The following CCDC85A variants were observed in gnomAD, a reference collection of about 807,000 sequenced individuals.
CCDC85A encodes the protein coiled-coil domain-containing protein 85A.
Under a neutral mutation model 50.2 loss-of-function variants are expected in CCDC85A, and 38 were observed. The observed-to-expected ratio is 0.76, with a 90% CI of 0.58 to 0.99. The LOEUF (loss-of-function observed/expected upper bound fraction) is 0.99. Ranked by LOEUF, CCDC85A falls within the 50% of genes least tolerant of loss-of-function variation. The pLI, the probability that CCDC85A is intolerant of heterozygous loss-of-function variation, is 0.00. For missense variants in CCDC85A, 820 were observed against 742.0 expected, an observed-to-expected ratio of 1.11 and a Z score of -1.22; for synonymous variants, 366 against 301.4, an observed-to-expected ratio of 1.21 and a Z score of -2.22.
chr2:56,347,121 T>C (rs1044412608), intron 3 of CCDC85A, among the ~76,000 whole-genome samples: 3 of 152,208 alleles, frequency 2.0e-5, no homozygotes, highest in Non-Finnish European at 2.9e-5. Context: ...CTATCTTCTA[T>C]ACATACTTAC....
At chr2:56,296,706 C>T (rs1486521369) in intron 2 of CCDC85A, among the ~76,000 whole-genome samples, 1 of 152,116 alleles carries the variant, frequency 6.6e-6, no homozygotes. Context: ...GAACAGTTTA[C>T]TTTGAAAGGG....
At chr2:56,227,961 A>G (rs143696531) in intron 2 of CCDC85A, among the ~76,000 whole-genome samples, 2 of 152,224 alleles carry the variant, frequency 1.3e-5, no homozygotes, top group Non-Finnish European at 2.9e-5. Flanking sequence ...GTGAGCCTAT[A>G]CTGTGACTTA....
intron 2 of CCDC85A, among the ~76,000 whole-genome samples, chr2:56,251,879 CT>C (rs1553399515): frequency 6.9e-6 from 1 of 145,140 alleles, no homozygotes; most frequent in South Asian, 2.1e-4. Context: ...TGGCTGATTT[CT>C]TTTTTTTCCT....
At chr2:56,282,729 C>T (rs975429242) in intron 2 of CCDC85A, among the ~76,000 whole-genome samples, 5 of 152,160 alleles carry the variant, frequency 3.3e-5, no homozygotes, top group African/African-American at 1.2e-4. Flanking sequence ...AGGCTGGTCT[C>T]GAACTCCTGA....
chr2:56,187,575 C>T (rs1676105967), intron 1 of CCDC85A, among the ~76,000 whole-genome samples: 1 of 152,160 alleles, frequency 6.6e-6, no homozygotes, highest in African/African-American at 2.4e-5. Context: ...TTCTCATCTG[C>T]TCATGGGGAT....
In CCDC85A at chr2:56,356,426, C is replaced by T. The variant is rs568526661; in HGVS notation, c.1317+13471C>T. ...TCACATGCTTTTGTTAGTAAGTTCT[C>T]TAAATGGTCAGATAGTTGGTGATGG... On this transcript the variant is annotated intron_variant, in intron 3 of 5. Coordinates refer to ENST00000407595, the MANE Select transcript of CCDC85A (RefSeq NM_001080433.2). Among the ~76,000 whole-genome samples, 13 of 152,292 alleles carry T rather than the reference C, an allele frequency of 8.5e-5. No homozygotes were observed. In the East Asian group the frequency reaches 2.5e-3, roughly 29 times the overall value.
chr2:56,193,458 G>T lies in CCDC85A; in HGVS notation c.1240+18G>T. On this transcript the variant is annotated intron_variant, in intron 2 of 5. Transcript: ENST00000407595. ...CATGAACGGTGGGTCAGTATGTGCT[G>T]GGGTGCTGCTTGGGCTGGGGAACTC... 1 of 1,573,098 alleles carries T rather than the reference G, an allele frequency of 6.4e-7. No individual in the cohort carries two copies.
intron 2 of CCDC85A, among the ~76,000 whole-genome samples, chr2:56,296,260 G>A (rs1396759547): frequency 1.3e-5 from 2 of 152,146 alleles, no homozygotes; most frequent in Non-Finnish European, 2.9e-5. Flanking sequence ...TGGTAAAGGT[G>A]TATCCCAAAG....
chr2:56,366,666 A>C (rs560074560), intron 3 of CCDC85A, among the ~76,000 whole-genome samples: 2 of 152,258 alleles, frequency 1.3e-5, no homozygotes, highest in African/African-American at 4.8e-5. Flanking sequence ...TTAGGAACTC[A>C]CATTAGCCAG....
intron 3 of CCDC85A, 75 bp from the exon 4 acceptor site, chr2:56,372,269 T>C: frequency 7.1e-7 from 1 of 1,402,748 alleles, no homozygotes; most frequent in South Asian, 1.6e-5. Context: ...TTAAGCTTCA[T>C]GTTCTATCTG....
intron 2 of CCDC85A, among the ~76,000 whole-genome samples, chr2:56,322,429 A>C (rs994127304): frequency 5.3e-5 from 8 of 152,154 alleles, no homozygotes; most frequent in Non-Finnish European, 8.8e-5. Context: ...TCTACAAAAA[A>C]CTCAAACAGA....
chr2:56,295,461 C>G (rs1671904856), intron 2 of CCDC85A, among the ~76,000 whole-genome samples: 1 of 152,132 alleles, frequency 6.6e-6, no homozygotes, highest in Non-Finnish European at 1.5e-5. Flanking sequence ...TAGCTTTACA[C>G]TGTTGTGATG....
chr2:56,384,477 T>G lies in CCDC85A; in HGVS notation c.*122T>G. On this transcript the variant is annotated 3_prime_UTR_variant, in exon 6 of 6. Transcript: ENST00000407595. ...TGGAATAACATGGAGTGATTGTACA[T>G]TGCACATATCTCCCCTCTAAAACCT... 1 of 763,378 alleles carries G rather than the reference T, an allele frequency of 1.3e-6. No homozygotes were observed. The highest frequency in any genetic ancestry group is 2.2e-6 in the Non-Finnish European group (1 of 456,044). 47.3% of individuals were successfully genotyped at this position (763,378 alleles called of 1,614,324 possible).
At chr2:56,315,501 A>G (rs1214071133) in intron 2 of CCDC85A, among the ~76,000 whole-genome samples, 1 of 152,178 alleles carries the variant, frequency 6.6e-6, no homozygotes, top group African/African-American at 2.4e-5. Context: ...TGTGCCAGAC[A>G]CTGTGGGATA....
At chr2:56,360,703 A>G (rs972225630) in intron 3 of CCDC85A, among the ~76,000 whole-genome samples, 1 of 152,202 alleles carries the variant, frequency 6.6e-6, no homozygotes, top group Non-Finnish European at 1.5e-5. Context: ...GTGTTAAGCA[A>G]GAAGCTTTAG....
intron 2 of CCDC85A, among the ~76,000 whole-genome samples, chr2:56,230,156 T>C (rs1011670461): frequency 1.3e-5 from 2 of 152,198 alleles, no homozygotes; most frequent in African/African-American, 4.8e-5. Context: ...CATGTTTTAC[T>C]TGCGTTTTCT....
chr2:56,192,144 A>G lies in CCDC85A; in HGVS notation c.277-333A>G, dbSNP rs116477954. On this transcript the variant is annotated intron_variant, in intron 1 of 5. Coordinates refer to ENST00000407595, the MANE Select transcript of CCDC85A (RefSeq NM_001080433.2). This position sits in a 1 kb window ranked among gnomAD's most constrained non-coding sequence, Gnocchi z 4.7. The stretch of plus-strand genomic sequence containing the variant: ...CCCTAAATGTTTGGGTAAAAATTGG[A>G]TGACATAATGCAAGTAAAGTATTGT... 2.0e-5 allele frequency among the ~76,000 whole-genome samples: 3 copies of G among 152,182 alleles called. No individual in the cohort carries two copies. The highest frequency in any genetic ancestry group is 4.4e-5 in the Non-Finnish European group (3 of 68,042).
chr2:56,345,543 T>C (rs998248208), intron 3 of CCDC85A, among the ~76,000 whole-genome samples: 1 of 152,068 alleles, frequency 6.6e-6, no homozygotes, highest in Non-Finnish European at 1.5e-5. Flanking sequence ...TATCAGAGAG[T>C]GGTGCCTTCA....
chr2:56,285,384 G>A (rs867633358), intron 2 of CCDC85A, among the ~76,000 whole-genome samples: 79 of 149,608 alleles, frequency 5.3e-4, no homozygotes, highest in African/African-American at 1.7e-3. Context: ...GATTATAGGC[G>A]TGAGCCAACA....
Sources: gnomAD v4.1 joint callset for allele counts (sites outside exome capture counted in the v4.1 genomes callset) on GRCh38, gnomAD v4.1.1 for gene constraint, Gnocchi (gnomAD v3.1) non-coding constraint, MANE v1.5 for transcripts, NCBI Gene and HGNC (gene_info 2026-07-23, HGNC 2026-07-21) for gene names.